Variants in ZNF385D observed in about 807,000 individuals in gnomAD.
ZNF385D encodes the protein zinc finger protein 385D, also known as zinc finger protein 659.
Under a neutral mutation model 35.8 loss-of-function variants are expected in ZNF385D, and 15 were observed. The observed-to-expected ratio is 0.42, with a 90% CI of 0.28 to 0.64. The LOEUF (loss-of-function observed/expected upper bound fraction) is 0.64, where lower values mean the gene tolerates loss of function less well. Among genes scored for constraint, ZNF385D ranks in the 30% least tolerant of loss-of-function variants. ZNF385D has a pLI of 0.23. For missense variants in ZNF385D, 474 were observed against 494.6 expected, an observed-to-expected ratio of 0.96 and a Z score of 0.39; for synonymous variants, 212 against 186.8, an observed-to-expected ratio of 1.13 and a Z score of -1.10.
chr3:21,683,230 C>A (rs1455666457), intron 1 of ZNF385D, among the ~76,000 whole-genome samples: 1 of 149,844 alleles, frequency 6.7e-6, no homozygotes, highest in Non-Finnish European at 1.5e-5. Context: ...TCTATGACAA[C>A]CCCCAAGATT....
intron 2 of ZNF385D, among the ~76,000 whole-genome samples, chr3:22,347,531 C>T (rs896167899): frequency 6.6e-6 from 1 of 152,146 alleles, no homozygotes; most frequent in Admixed American, 6.5e-5. Context: ...TCAAAACAAT[C>T]AGACATGTCA....
intron 2 of ZNF385D, among the ~76,000 whole-genome samples, chr3:22,256,287 C>T (rs1021767329): frequency 1.3e-5 from 2 of 150,664 alleles, no homozygotes; most frequent in Non-Finnish European, 3.0e-5. Flanking sequence ...CTAGAGAACC[C>T]TAATACACTA....
At chr3:21,679,537 C>A (rs1306640111) in intron 1 of ZNF385D, among the ~76,000 whole-genome samples, 4 of 151,946 alleles carry the variant, frequency 2.6e-5, no homozygotes, top group Admixed American at 1.3e-4. Context: ...ATAAATAAGA[C>A]ATTGTTGCTT....
chr3:22,050,555 A>G (rs1017349229), intron 3 of ZNF385D, among the ~76,000 whole-genome samples: 2 of 152,094 alleles, frequency 1.3e-5, no homozygotes, highest in African/African-American at 2.4e-5. Context: ...CTATTTCTTC[A>G]TGATTCAATT....
intron 3 of ZNF385D, among the ~76,000 whole-genome samples, chr3:22,146,883 A>G (rs1704894373): frequency 6.6e-6 from 1 of 152,156 alleles, no homozygotes; most frequent in African/African-American, 2.4e-5. Context: ...GTTCTGAAAC[A>G]TATTTGGGAA....
At chr3:21,964,543 G>A (rs547657231) in intron 3 of ZNF385D, among the ~76,000 whole-genome samples, 2 of 117,280 alleles carry the variant, frequency 1.7e-5, no homozygotes, top group Non-Finnish European at 1.6e-5. Context: ...AGGCTGGTGT[G>A]CAGTGACACA....
In ZNF385D at chr3:21,471,189, C is replaced by T. The variant is rs555269401; in HGVS notation, c.440-33986G>A. ...GAGTTCTGAGTTAGGGTTCCTTTCA[C>T]TGAACCATATTCCCTTCCTTCCAGG... On this transcript the variant is annotated intron_variant, in intron 4 of 7. Coordinates refer to ENST00000281523, the MANE Select transcript of ZNF385D (RefSeq NM_024697.3). Among the ~76,000 whole-genome samples, 10 of 152,116 alleles carry T rather than the reference C, an allele frequency of 6.6e-5. No homozygotes were observed. In the South Asian group the frequency reaches 2.1e-3, roughly 32 times the overall value.
chr3:22,030,376 G>T (rs376405317), intron 3 of ZNF385D, among the ~76,000 whole-genome samples: 1 of 143,274 alleles, frequency 7.0e-6, no homozygotes, highest in Non-Finnish European at 1.5e-5. Context: ...CATGGTTTAA[G>T]AGGCCTCAGG....
At chr3:21,497,667 G>A (rs1425649530) in intron 4 of ZNF385D, among the ~76,000 whole-genome samples, 1 of 152,004 alleles carries the variant, frequency 6.6e-6, no homozygotes, top group African/African-American at 2.4e-5. Context: ...TGGGCAATAT[G>A]GCAAAACCCT....
rs1008433915 is a variant in ZNF385D, at chr3:21,414,876, C to G, written c.*6338G>C. Reference sequence around the variant, plus strand: ...TGATAAAAGTTAAACTTTCCAGGATCTCACGAACTCAATTCCTTTTTCATC... The same window carrying G: ...TGATAAAAGTTAAACTTTCCAGGATGTCACGAACTCAATTCCTTTTTCATC... On this transcript the variant is annotated 3_prime_UTR_variant, in exon 8 of 8. Transcript: ENST00000281523. The G allele has an allele frequency of 2.6e-5, 4 of 152,050 alleles. No individual in the cohort carries two copies. Among genetic ancestry groups the G allele is most frequent in the African/African-American group, 9.7e-5 (4 of 41,390 alleles). The allele number at this position is 152,050 out of a possible 1,614,324, so 9.4% of individuals were successfully genotyped here.
chr3:21,853,471 A>G (rs948062096), intron 3 of ZNF385D, among the ~76,000 whole-genome samples: 1 of 151,100 alleles, frequency 6.6e-6, no homozygotes, highest in East Asian at 2.0e-4. Context: ...TAAAGGTTTC[A>G]AGTGTTTTAG....
At chr3:22,270,622 A>G (rs532610497) in intron 2 of ZNF385D, among the ~76,000 whole-genome samples, 1 of 152,064 alleles carries the variant, frequency 6.6e-6, no homozygotes, top group Non-Finnish European at 1.5e-5. Context: ...ATGTTGTAAG[A>G]AAGCACATAG....
intron 1 of ZNF385D, among the ~76,000 whole-genome samples, chr3:21,675,811 G>C (rs935171452): frequency 4.0e-5 from 6 of 151,882 alleles, no homozygotes; most frequent in Admixed American, 1.3e-4. Flanking sequence ...TTTTTCCATA[G>C]GTATTAGATT....
intron 3 of ZNF385D, among the ~76,000 whole-genome samples, chr3:21,910,745 T>C (rs933933609): frequency 6.6e-6 from 1 of 151,528 alleles, no homozygotes; most frequent in Non-Finnish European, 1.5e-5. Context: ...GAAAGCTTTA[T>C]TGGAGAAGGC....
chr3:22,108,469 G>C (rs964753798), intron 3 of ZNF385D, among the ~76,000 whole-genome samples: 1 of 152,124 alleles, frequency 6.6e-6, no homozygotes, highest in Middle Eastern at 3.4e-3. Context: ...GGGATTAAAA[G>C]ATTTGAATGA....
chr3:22,239,196 T>G (rs895365882), intron 2 of ZNF385D, among the ~76,000 whole-genome samples: 1 of 151,244 alleles, frequency 6.6e-6, no homozygotes, highest in Non-Finnish European at 1.5e-5. Flanking sequence ...AAACTATGAT[T>G]CATTGCCAAA....
chr3:21,957,947 AAC>A (rs1702377034), intron 3 of ZNF385D, among the ~76,000 whole-genome samples: 1 of 152,100 alleles, frequency 6.6e-6, no homozygotes, highest in East Asian at 1.9e-4. Flanking sequence ...CATTCAGAAA[AAC>A]AGACAGTACT....
intron 3 of ZNF385D, among the ~76,000 whole-genome samples, chr3:21,806,366 G>A (rs1209797541): frequency 1.3e-5 from 2 of 151,840 alleles, no homozygotes; most frequent in Non-Finnish European, 2.9e-5. Flanking sequence ...CACCACGCCC[G>A]ACTAATTTGT....
chr3:22,107,787 G>C (rs536334905), intron 3 of ZNF385D, among the ~76,000 whole-genome samples: 42 of 151,996 alleles, frequency 2.8e-4, no homozygotes, highest in African/African-American at 8.0e-4. Context: ...TCCATATGTA[G>C]TGTGGTATTA....
Sources: gnomAD v4.1 joint callset for allele counts (sites outside exome capture counted in the v4.1 genomes callset) on GRCh38, gnomAD v4.1.1 for gene constraint, MANE v1.5 for transcripts, NCBI Gene and HGNC (gene_info 2026-07-23, HGNC 2026-07-21) for gene names.